TRPM3: variants seen among roughly 807,000 people sequenced by gnomAD.
TRPM3 encodes transient receptor potential cation channel subfamily M member 3.
A neutral mutation model predicts 181.2 loss-of-function variants in TRPM3; 77 were observed. That is an observed-to-expected ratio of 0.42 (90% CI 0.35 to 0.51). TRPM3 has a LOEUF of 0.51. Among genes scored for constraint, TRPM3 ranks in the 20% least tolerant of loss-of-function variants. TRPM3 has a pLI of 0.01. For missense variants in TRPM3, 1,759 were observed against 2,196.7 expected (o/e 0.80, Z 3.98); for synonymous variants, 745 against 796.4 (o/e 0.94, Z 1.09).
chr9:70,940,509 C>A (rs1405303924), intron 1 of TRPM3, among the ~76,000 whole-genome samples: 1 of 152,146 alleles, frequency 6.6e-6, no homozygotes, highest in Non-Finnish European at 1.5e-5. Flanking sequence ...ATGCTAAGTG[C>A]TATGCTAGGT....
intron 1 of TRPM3, among the ~76,000 whole-genome samples, chr9:70,901,764 T>C (rs1436737647): frequency 1.3e-5 from 2 of 152,194 alleles, no homozygotes; most frequent in East Asian, 3.9e-4. Flanking sequence ...CACAAAAGAA[T>C]AGAAAGGAGG....
intron 1 of TRPM3, among the ~76,000 whole-genome samples, chr9:70,870,158 C>T (rs1310808798): frequency 6.6e-6 from 1 of 151,926 alleles, no homozygotes; most frequent in South Asian, 2.1e-4. Context: ...GCGCCTAGTA[C>T]GTGTCATGTG....
intron 1 of TRPM3, among the ~76,000 whole-genome samples, chr9:71,200,152 G>A (rs1322603038): frequency 1.3e-5 from 2 of 152,060 alleles, no homozygotes; most frequent in Non-Finnish European, 2.9e-5. Flanking sequence ...TTCAGGAGGA[G>A]GTTGTTCAGT....
intron 1 of TRPM3, among the ~76,000 whole-genome samples, chr9:71,389,332 A>C (rs760247877): frequency 2.1e-4 from 32 of 152,058 alleles, no homozygotes; most frequent in Non-Finnish European, 4.3e-4. Context: ...AAATCAAAAA[A>C]CAGATGTTCG....
chr9:70,983,718 C>T (rs1382194542), intron 1 of TRPM3, among the ~76,000 whole-genome samples: 2 of 152,076 alleles, frequency 1.3e-5, no homozygotes, highest in East Asian at 3.8e-4. Flanking sequence ...AGTGGACACC[C>T]TGTGTTATTG....
intron 1 of TRPM3, among the ~76,000 whole-genome samples, chr9:71,387,112 C>A (rs2092943091): frequency 6.6e-6 from 1 of 152,052 alleles, no homozygotes; most frequent in South Asian, 2.1e-4. Context: ...GATCAATGAT[C>A]TATGAGGTTA....
intron 22 of TRPM3, among the ~76,000 whole-genome samples, chr9:70,575,682 A>G (rs573891463): frequency 1.3e-5 from 2 of 152,358 alleles, no homozygotes; most frequent in African/African-American, 4.8e-5. Context: ...AACACCAAGG[A>G]CAACCTCCTT....
chr9:70,686,651 C>A, intron 8 of TRPM3, among the ~76,000 whole-genome samples: 1 of 121,290 alleles, frequency 8.2e-6, no homozygotes, highest in African/African-American at 3.2e-5. Flanking sequence ...TCCCTCTCTC[C>A]CTTCCTGCCT....
intron 1 of TRPM3, among the ~76,000 whole-genome samples, chr9:70,999,002 C>T (rs1031034169): frequency 3.3e-5 from 5 of 152,150 alleles, no homozygotes; most frequent in African/African-American, 1.2e-4. Flanking sequence ...TTCTAGCAAA[C>T]CCCCTATTTC....
intron 1 of TRPM3, among the ~76,000 whole-genome samples, chr9:70,920,039 G>A (rs2096639361): frequency 1.3e-5 from 2 of 152,082 alleles, no homozygotes; most frequent in African/African-American, 4.8e-5. Flanking sequence ...TCTTATTTAG[G>A]CATCAAGTCC....
chr9:70,586,820 G>A (rs963440763), intron 22 of TRPM3, among the ~76,000 whole-genome samples: 3 of 152,312 alleles, frequency 2.0e-5, no homozygotes, highest in South Asian at 2.1e-4. Context: ...ATAAGCAGGC[G>A]TATTTTAGAG....
intron 8 of TRPM3, among the ~76,000 whole-genome samples, chr9:70,749,982 T>C (rs62543772): frequency 0.055 from 8,442 of 152,224 alleles, 260 homozygotes; most frequent in South Asian, 0.11. Context: ...ATAATTACTA[T>C]TTAATCTGGG....
intron 1 of TRPM3, among the ~76,000 whole-genome samples, chr9:71,326,888 A>G (rs906535934): frequency 1.3e-5 from 2 of 152,172 alleles, no homozygotes; most frequent in African/African-American, 2.4e-5. Flanking sequence ...CCAATCTGAG[A>G]GTGCACGGAG....
At chr9:71,430,737 AGAGGCGGAGGTTGCAGT>A (rs2093941723) in intron 1 of TRPM3, among the ~76,000 whole-genome samples, 1 of 152,070 alleles carries the variant, frequency 6.6e-6, no homozygotes, top group Non-Finnish European at 1.5e-5. Flanking sequence ...CTTGAACTCA[AGAGGCGGAGGTTGCAGT>A]GAGCCGAGAT....
chr9:70,567,388 GCACATA>G (rs961699629), intron 22 of TRPM3, among the ~76,000 whole-genome samples: 2 of 152,156 alleles, frequency 1.3e-5, no homozygotes, highest in African/African-American at 2.4e-5. Flanking sequence ...TTGTGCACAT[GCACATA>G]CACAGCAAAG....
intron 8 of TRPM3, among the ~76,000 whole-genome samples, chr9:70,743,254 G>T (rs1008794837): frequency 6.6e-6 from 1 of 152,084 alleles, no homozygotes; most frequent in African/African-American, 2.4e-5. Flanking sequence ...AATTCTGAAG[G>T]CTAGTATGTT....
intron 1 of TRPM3, among the ~76,000 whole-genome samples, chr9:71,047,486 C>A (rs956787015): frequency 6.6e-6 from 1 of 151,996 alleles, no homozygotes; most frequent in Admixed American, 6.6e-5. Flanking sequence ...TAAGAATGTA[C>A]GCATGTCACA....
At chr9:70,869,772 G>A (rs996677266) in intron 1 of TRPM3, among the ~76,000 whole-genome samples, 1 of 151,976 alleles carries the variant, frequency 6.6e-6, no homozygotes, top group Non-Finnish European at 1.5e-5. Context: ...CTGTGACCAC[G>A]GTGGCCTATG....
chr9:71,289,990 T>C (rs911703891), intron 1 of TRPM3, among the ~76,000 whole-genome samples: 10 of 150,328 alleles, frequency 6.7e-5, no homozygotes, highest in Admixed American at 2.6e-4. Context: ...TTTACCCTGA[T>C]TTGATCATTA....
Sources: allele counts gnomAD v4.1 joint callset (sites outside exome capture counted in the v4.1 genomes callset), GRCh38; gene constraint gnomAD v4.1.1; transcripts MANE v1.5; gene names NCBI Gene and HGNC (gene_info 2026-07-23, HGNC 2026-07-21).